The following NIPA1 variants were observed in gnomAD, a reference collection of about 807,000 sequenced individuals.
NIPA1 encodes the protein magnesium transporter NIPA1.
NIPA1 carries 13 observed loss-of-function variants against 23.9 expected under a neutral mutation model. The ratio of observed to expected loss-of-function variants is 0.54; its 90% confidence interval spans 0.35 to 0.87. The LOEUF (loss-of-function observed/expected upper bound fraction) is 0.87, where lower values mean the gene tolerates loss of function less well. NIPA1 is among the 40% of genes least tolerant of loss of function. The probability of loss-of-function intolerance (pLI) is 0.01; values close to 1 mark genes in which losing one functional copy is unlikely to be tolerated. For synonymous variants in NIPA1, 234 were observed against 202.9 expected (o/e 1.15, Z -1.30); for missense variants, 362 against 429.7 (o/e 0.84, Z 1.39).
chr15:22,786,587 C>A, upstream of NIPA1: 3 of 569,302 alleles, frequency 5.3e-6, no homozygotes, highest in Non-Finnish European at 6.7e-6. Context: ...CCGCGCCTCC[C>A]GGTCACCCCC....
chr15:22,813,747 G>A (rs1895362719), intron 3 of NIPA1: 1 of 451,280 alleles, frequency 2.2e-6, no homozygotes, highest in African/African-American at 2.0e-5. Context: ...TTTTTCACAT[G>A]CGACGCCTTG....
At chr15:22,795,847 C>T (rs993041955) in intron 1 of NIPA1, among the ~76,000 whole-genome samples, 12 of 152,146 alleles carry the variant, frequency 7.9e-5, no homozygotes, top group African/African-American at 2.9e-4. Flanking sequence ...GGAATGTGAA[C>T]ACAGCTGGGG....
At chr15:22,802,241 A>C (rs1895099103) in intron 1 of NIPA1, among the ~76,000 whole-genome samples, 2 of 151,970 alleles carry the variant, frequency 1.3e-5, no homozygotes, top group Non-Finnish European at 2.9e-5. Context: ...AAAATACAAA[A>C]ATTAGCCAGG....
At chr15:22,821,021 A>G (rs963578388) in intron 4 of NIPA1, among the ~76,000 whole-genome samples, 3 of 142,890 alleles carry the variant, frequency 2.1e-5, no homozygotes, top group African/African-American at 7.7e-5. Context: ...TCTGTCACCC[A>G]GGCTGGAGTG....
chr15:22,790,924 A>T (rs1407360693), intron 1 of NIPA1, among the ~76,000 whole-genome samples: 1 of 152,178 alleles, frequency 6.6e-6, no homozygotes, highest in Admixed American at 6.5e-5. Context: ...ACCTAGCGTG[A>T]CGTTCCTTAT....
At chr15:22,818,845 C>T (rs942524594) in intron 3 of NIPA1, among the ~76,000 whole-genome samples, 1 of 152,134 alleles carries the variant, frequency 6.6e-6, no homozygotes, top group African/African-American at 2.4e-5. Flanking sequence ...CTCTGGTATT[C>T]CACAATGGAA....
intron 1 of NIPA1, among the ~76,000 whole-genome samples, chr15:22,794,496 T>TA (rs1315587637): frequency 6.6e-6 from 1 of 152,098 alleles, no homozygotes; most frequent in Non-Finnish European, 1.5e-5. Flanking sequence ...GTTAAGATGA[T>TA]AAAGTTTATG....
At chr15:22,793,377 AAG>A (rs1311885821) in intron 1 of NIPA1, among the ~76,000 whole-genome samples, 8 of 151,372 alleles carry the variant, frequency 5.3e-5, no homozygotes, top group Non-Finnish European at 1.0e-4. Context: ...AAAAAAAAAA[AAG>A]AGAATACATG....
At chr15:22,821,886 A>G (rs897948878) in intron 4 of NIPA1, among the ~76,000 whole-genome samples, 7 of 152,236 alleles carry the variant, frequency 4.6e-5, no homozygotes, top group Non-Finnish European at 8.8e-5. Flanking sequence ...CAAACCATCA[A>G]TTTAATGCCC....
intron 1 of NIPA1, among the ~76,000 whole-genome samples, chr15:22,802,769 C>T (rs1344425532): frequency 6.6e-6 from 1 of 152,124 alleles, no homozygotes; most frequent in African/African-American, 2.4e-5. Context: ...ATTAATTTTG[C>T]CTGTTCCCAT....
chr15:22,808,753 T>C (rs1282660056), intron 1 of NIPA1, among the ~76,000 whole-genome samples: 1 of 145,650 alleles, frequency 6.9e-6, no homozygotes, highest in Admixed American at 7.2e-5. Flanking sequence ...AACTGCAGCC[T>C]CATCCTCCTG....
intron 1 of NIPA1, among the ~76,000 whole-genome samples, chr15:22,800,596 C>T (rs1022421980): frequency 3.3e-5 from 5 of 151,778 alleles, no homozygotes; most frequent in Admixed American, 2.6e-4. Flanking sequence ...AGCTCGAGAC[C>T]AGCCTGACCA....
intron 1 of NIPA1, among the ~76,000 whole-genome samples, chr15:22,808,687 T>TTTTTTTTTTTTTTAA (rs1895261828): frequency 6.7e-6 from 1 of 150,140 alleles, no homozygotes; most frequent in Non-Finnish European, 1.5e-5. Flanking sequence ...TTCTTTTTTT[T>TTTTTTTTTTTTTTAA]GAGACAGTGT....
At chr15:22,801,144 G>A (rs943589924) in intron 1 of NIPA1, among the ~76,000 whole-genome samples, 2 of 152,014 alleles carry the variant, frequency 1.3e-5, no homozygotes, top group East Asian at 3.9e-4. Context: ...TCCTGTGGTT[G>A]TGTTCAGTCT....
chr15:22,813,655 A>G (rs1188347252), intron 3 of NIPA1: 1 of 456,050 alleles, frequency 2.2e-6, no homozygotes, highest in Non-Finnish European at 4.4e-6. Flanking sequence ...ATCCTTGCAG[A>G]GAAGTGTGTC....
chr15:22,786,677 AGCGGCGGCGGCGGCG>A lies in NIPA1; in HGVS notation c.33_47del (p.Ala12_Ala16del), dbSNP rs531550505. 6.8e-5 allele frequency: 73 copies of A among 1,071,576 alleles called. No individual in the cohort carries two copies. In the East Asian group the frequency reaches 1.6e-3, roughly 24 times the overall value. The allele number at this position is 1,071,576 out of a possible 1,614,324, so 66.4% of individuals were successfully genotyped here. ...GCGGAATGGGGACTGCAGCTGCGGC[AGCGGCGGCGGCGGCG>A]GCGGCGGCGGCCGGGGAGGGGGCGC... is the stretch of plus-strand genomic sequence containing the variant. On this transcript the variant is annotated inframe_deletion, in exon 1 of 5. Transcript: ENST00000337435.
chr15:22,795,992 C>T (rs116710224), intron 1 of NIPA1, among the ~76,000 whole-genome samples: 185 of 152,086 alleles, frequency 1.2e-3, no homozygotes, highest in African/African-American at 4.2e-3. Flanking sequence ...AGTACATTGG[C>T]GTGATCTTGG....
intron 1 of NIPA1, among the ~76,000 whole-genome samples, chr15:22,792,398 G>C (rs1894849069): frequency 6.6e-6 from 1 of 151,172 alleles, no homozygotes; most frequent in Non-Finnish European, 1.5e-5. Flanking sequence ...TCGCTCTGTT[G>C]CCCAGGCTGG....
chr15:22,816,321 T>G (rs1458618506), intron 3 of NIPA1, among the ~76,000 whole-genome samples: 1 of 149,558 alleles, frequency 6.7e-6, no homozygotes, highest in East Asian at 2.0e-4. Flanking sequence ...CCCGAGTAGC[T>G]GGGACTACAG....
Sources: gnomAD v4.1 joint callset for allele counts (sites outside exome capture counted in the v4.1 genomes callset) on GRCh38, gnomAD v4.1.1 for gene constraint, MANE v1.5 for transcripts, NCBI Gene and HGNC (gene_info 2026-07-23, HGNC 2026-07-21) for gene names.